FUS: variants seen among roughly 807,000 people sequenced by gnomAD.
The protein encoded by FUS is RNA-binding protein FUS.
Under a neutral mutation model 82.7 loss-of-function variants are expected in FUS, and 5 were observed. The observed-to-expected ratio is 0.06, with a 90% CI of 0.03 to 0.13. The LOEUF is 0.13. FUS is among the 10% of genes least tolerant of loss of function. FUS has a pLI of 1.00. For synonymous variants in FUS, 281 were observed against 247.4 expected (o/e 1.14, Z -1.27); for missense variants, 512 against 707.8 (o/e 0.72, Z 3.14).
In FUS at chr16:31,190,424, A is replaced by C. The variant is rs1199914117; in HGVS notation, c.1292+26A>C. On this transcript the variant is annotated intron_variant, in intron 12 of 14. Coordinates refer to ENST00000254108, the MANE Select transcript of FUS (RefSeq NM_004960.4). ...GTGAGTGAAACTTAATTTTTTTCTT[A>C]GTTCTCTTGCATGCGTGCTCTTTGA... 1.9e-6 allele frequency: 3 copies of C among 1,613,792 alleles called. No homozygotes were observed. In the East Asian group the frequency reaches 6.7e-5, roughly 36 times the overall value.
At chr16:31,181,826 A>G (rs1286551322) in intron 1 of FUS, among the ~76,000 whole-genome samples, 1 of 152,162 alleles carries the variant, frequency 6.6e-6, no homozygotes, top group Non-Finnish European at 1.5e-5. Context: ...AAAATTGTGG[A>G]TGTCCACCAA....
At chr16:31,180,822 G>C (rs1169038329) in intron 1 of FUS, among the ~76,000 whole-genome samples, 1 of 152,190 alleles carries the variant, frequency 6.6e-6, no homozygotes, top group Non-Finnish European at 1.5e-5. Context: ...CTCGGGATCG[G>C]GGCCGCCCTC....
At chr16:31,193,354 A>G (rs759332004), downstream of FUS, 15 of 524,568 alleles carry the variant, frequency 2.9e-5, no homozygotes, top group Non-Finnish European at 5.2e-5. Flanking sequence ...GACTTAGTAC[A>G]TGTAGAGGAT....
downstream of FUS, chr16:31,193,276 T>C (rs563238087): frequency 3.9e-6 from 2 of 511,518 alleles, no homozygotes; most frequent in Middle Eastern, 5.6e-4. Context: ...TAAGCAACAG[T>C]AGGCGGAGAG....
chr16:31,192,171 G>C (rs775289056), downstream of FUS: 1 of 528,804 alleles, frequency 1.9e-6, no homozygotes, highest in South Asian at 1.5e-5. Flanking sequence ...TGGTCTGGCT[G>C]GGTTACTTTC....
intron 5 of FUS, 124 bp from the exon 6 acceptor site, chr16:31,184,815 T>C: frequency 1.0e-6 from 1 of 970,376 alleles, no homozygotes; most frequent in South Asian, 1.4e-5. Flanking sequence ...TCTTGTTTCC[T>C]AGCTGTCTTT....
At chr16:31,189,888 C>G (rs754943057) in intron 10 of FUS, 94 bp downstream of exon 10, 1 of 1,603,190 alleles carries the variant, frequency 6.2e-7, no homozygotes, top group Non-Finnish European at 8.5e-7. Flanking sequence ...TTTGAGTCTT[C>G]CAACACTTAC....
rs756665242 is a variant in FUS at position 31,180,182 on chromosome 16, G to A, written c.-33G>A. 2.5e-6 allele frequency: 4 copies of A among 1,608,710 alleles called. No homozygotes were observed. Among genetic ancestry groups the A allele is most frequent in the African/African-American group, 1.3e-5 (1 of 74,890 alleles). ...CGGTACTCAGCGGTGTTGGAACTTC[G>A]TTGCTTGCTTGCCTGTGCGCGCGTG... On this transcript the variant is annotated 5_prime_UTR_variant, in exon 1 of 15. Coordinates refer to ENST00000254108, the MANE Select transcript of FUS (RefSeq NM_004960.4).
At chr16:31,193,983 C>CTT (rs1293982279), downstream of FUS, 2 of 532,570 alleles carry the variant, frequency 3.8e-6, no homozygotes, top group East Asian at 7.8e-5. Context: ...TGAAATCTGT[C>CTT]TTGAAGCATT....
At chr16:31,186,031 G>A in intron 6 of FUS, 1 of 237,856 alleles carries the variant, frequency 4.2e-6, no homozygotes, top group East Asian at 6.0e-5. Flanking sequence ...GAAATGGTAA[G>A]TATGCAGAGG....
rs749434237 is a variant in FUS at position 31,185,116 on chromosome 16, G to A, written c.701G>A (p.Arg234His). ...GGGGGGGGYN[R>H]SSGGYEPRGR... ...GGCGGCGGCGGTGGTGGTTACAACCGCAGCAGTGGTGGCTATGAACCCAGA... is the reference window on the plus strand; with the variant it reads ...GGCGGCGGCGGTGGTGGTTACAACCACAGCAGTGGTGGCTATGAACCCAGA... The change falls in exon 6 of 15, where the codon CGC (arginine) becomes CAC (histidine). Residue 234 changes from arginine (R) to histidine (H), a missense_variant. Physicochemically the swap from Arg to His is conservative, Grantham distance 29. Around this residue, in one of 6 missense-constraint regions of FUS, gnomAD observed 276 missense variants for 303.3 expected, o/e 0.91. Transcript: ENST00000254108. The A allele has an allele frequency of 7.5e-6, 12 of 1,609,178 alleles. No homozygotes were observed. Among genetic ancestry groups the A allele is most frequent in the Non-Finnish European group, 2.5e-6 (3 of 1,178,030 alleles).
At chr16:31,183,758 G>C in intron 3 of FUS, 100 bp from the exon 4 acceptor site, 1 of 1,440,396 alleles carries the variant, frequency 6.9e-7, no homozygotes, top group African/African-American at 1.4e-5. Context: ...CTTCTGAGAG[G>C]CTGGCTTTAT....
chr16:31,181,909 T>C (rs185121891), intron 1 of FUS, among the ~76,000 whole-genome samples: 25 of 152,342 alleles, frequency 1.6e-4, no homozygotes, highest in Admixed American at 1.5e-3. Flanking sequence ...TTTTTCTTTA[T>C]TGTAAGAACA....
At chr16:31,193,243 C>T (rs1567481915), downstream of FUS, 1 of 503,902 alleles carries the variant, frequency 2.0e-6, no homozygotes, top group Admixed American at 2.3e-5. Context: ...GTTTACTTCC[C>T]CTGCCAGCAT....
At position 31,191,496 on chromosome 16, in the gene FUS, C is replaced by T. The variant is rs772163408; in HGVS notation, c.*58C>T. Reference sequence around the variant, plus strand: ...TTTGTCCTGTACCCAGTGTTACCCTCGTTATTTTGTAACCTTCCAATTCCT... The same window carrying T: ...TTTGTCCTGTACCCAGTGTTACCCTTGTTATTTTGTAACCTTCCAATTCCT... On this transcript the variant is annotated 3_prime_UTR_variant, in exon 15 of 15. Coordinates refer to ENST00000254108, the MANE Select transcript of FUS (RefSeq NM_004960.4). 40 of 1,577,828 alleles carry T rather than the reference C, an allele frequency of 2.5e-5. No homozygotes were observed. The highest frequency in any genetic ancestry group is 1.8e-4 in the Admixed American group (11 of 59,874).
At position 31,191,000 on chromosome 16, in the gene FUS, AGGCTATGATCGAGGC is replaced by A; in HGVS notation, c.1437_1451del (p.Asp480_Tyr484del). 6.2e-7 allele frequency: 1 copy of A among 1,613,188 alleles called. No homozygotes were observed. On this transcript the variant is annotated inframe_deletion, in exon 14 of 15. Coordinates refer to ENST00000254108, the MANE Select transcript of FUS (RefSeq NM_004960.4). ...GGGATGATCGTCGTGGTGGCAGAGG[AGGCTATGATCGAGGC>A]GGCTACCGGGGCCGCGGCGGGGACC...
chr16:31,185,230 T>G (rs1026474987), intron 6 of FUS, 51 bp downstream of exon 6: 15 of 1,543,914 alleles, frequency 9.7e-6, no homozygotes, highest in African/African-American at 1.4e-5. Context: ...TGTGGAGGAT[T>G]GCATGAATCT....
intron 3 of FUS, 154 bp from the exon 4 acceptor site, chr16:31,183,703 AG>A: frequency 1.1e-6 from 1 of 882,342 alleles, no homozygotes; most frequent in East Asian, 2.5e-5. Flanking sequence ...AGGCTTTGAA[AG>A]GAGGGTAACT....
At position 31,191,418 on chromosome 16, in the gene FUS, C is replaced by T. The variant is rs121909668; in HGVS notation, c.1561C>T (p.Arg521Cys). Residue 521 changes from arginine to cysteine, a missense_variant, in exon 15 of 15, where the codon CGC (arginine) becomes TGC (cysteine). Arg to Cys is a radical substitution (Grantham distance 180). Transcript: ENST00000254108. ...MDSRGEHRQDRRERPY is the reference protein window; with the variant it reads ...MDSRGEHRQDCRERPY The stretch of plus-strand genomic sequence containing the variant: ...TTGCAGGGGTGAGCACAGACAGGAT[C>T]GCAGGGAGAGGCCGTATTAATTAGC... The T allele has an allele frequency of 1.9e-6, 3 of 1,608,588 alleles. No homozygotes were observed. Among genetic ancestry groups the T allele is most frequent in the African/African-American group, 2.7e-5 (2 of 73,008 alleles).
Sources: allele counts gnomAD v4.1 joint callset (sites outside exome capture counted in the v4.1 genomes callset), GRCh38; gene constraint gnomAD v4.1.1; regional missense constraint gnomAD v4.1.1; transcripts MANE v1.5; gene names NCBI Gene and HGNC (gene_info 2026-07-23, HGNC 2026-07-21).